GLP2R: variants seen among roughly 807,000 people sequenced by gnomAD.
GLP2R encodes the protein glucagon like peptide 2 receptor.
Under a neutral mutation model 68.2 loss-of-function variants are expected in GLP2R, and 59 were observed. That is an observed-to-expected ratio of 0.87 (90% CI 0.70 to 1.07). The LOEUF (loss-of-function observed/expected upper bound fraction) is 1.07. Among genes scored for constraint, GLP2R ranks in the 50% least tolerant of loss-of-function variants. GLP2R has a pLI of 0.00. For synonymous variants in GLP2R, 270 were observed against 265.4 expected (o/e 1.02, Z -0.17); for missense variants, 548 against 677.4 (o/e 0.81, Z 2.12).
chr17:9,841,360 A>G (rs954457335), intron 3 of GLP2R, among the ~76,000 whole-genome samples: 4 of 151,634 alleles, frequency 2.6e-5, no homozygotes, highest in Non-Finnish European at 5.9e-5. Context: ...GCTTGCTCTG[A>G]CTGCTGGGTT....
intron 4 of GLP2R, chr17:9,852,991 T>C: frequency 2.1e-6 from 1 of 476,966 alleles, no homozygotes; most frequent in Non-Finnish European, 3.9e-6. Context: ...GCATCTGCTC[T>C]GAACCACACT....
intron 4 of GLP2R, among the ~76,000 whole-genome samples, chr17:9,849,838 C>T (rs1347538658): frequency 2.0e-5 from 3 of 152,112 alleles, no homozygotes; most frequent in East Asian, 1.9e-4. Flanking sequence ...TGGTCTTGAT[C>T]TCCTGACCTC....
rs1190008566 is a variant in GLP2R, at chr17:9,890,760, G to A, written c.*1055G>A. 2 of 152,244 alleles carry A rather than the reference G, an allele frequency of 1.3e-5. No individual in the cohort carries two copies. The highest frequency in any genetic ancestry group is 1.3e-4 in the Admixed American group (2 of 15,286). 9.4% of individuals were successfully genotyped at this position (152,244 alleles called of 1,614,324 possible). A position where few individuals can be genotyped will look rare whatever the true frequency, so the allele number is the denominator to read the frequency against. ...CAGTGGGAATAAATACTGAAAGCAG[G>A]AGGGCCCAGGTAAAGCAATAGGAGT... On this transcript the variant is annotated 3_prime_UTR_variant, in exon 13 of 13. Transcript: ENST00000262441.
In GLP2R at chr17:9,890,056, T is replaced by G; in HGVS notation, c.*351T>G. ...AGCCAATATCTCTTCCTTTATCCCT[T>G]GGGGTGCATGCTTTCCATCTGAGGT... is the stretch of plus-strand genomic sequence containing the variant. On this transcript the variant is annotated 3_prime_UTR_variant, in exon 13 of 13. Transcript: ENST00000262441. 2.1e-6 allele frequency: 1 copy of G among 465,282 alleles called. No homozygotes were observed. The highest frequency in any genetic ancestry group is 4.3e-6 in the Non-Finnish European group (1 of 232,996). The allele number at this position is 465,282 out of a possible 1,614,324, so 28.8% of individuals were successfully genotyped here.
intron 1 of GLP2R, among the ~76,000 whole-genome samples, chr17:9,826,641 G>A (rs1283889849): frequency 2.0e-5 from 3 of 152,102 alleles, no homozygotes; most frequent in Non-Finnish European, 4.4e-5. Flanking sequence ...TATTTAGGTT[G>A]AGCAAATCCA....
At chr17:9,871,228 C>T (rs895212724) in intron 10 of GLP2R, among the ~76,000 whole-genome samples, 3 of 151,536 alleles carry the variant, frequency 2.0e-5, no homozygotes, top group Admixed American at 6.6e-5. Context: ...GTTAGCCAGG[C>T]GTGGTGCATG....
In GLP2R at chr17:9,833,673, G is replaced by A; in HGVS notation, c.190-134G>A. 11 of 617,566 alleles carry A rather than the reference G, an allele frequency of 1.8e-5. No homozygotes were observed. The South Asian group carries it at 2.2e-4, about 12-fold the overall frequency. 38.3% of individuals were successfully genotyped at this position (617,566 alleles called of 1,614,324 possible). A position where few individuals can be genotyped will look rare whatever the true frequency, so the allele number is the denominator to read the frequency against. ...CTCTTAAGATAGAACATAAGATGCT[G>A]AAGAAATGCCATTTCTTTGCTGTGG... On this transcript the variant is annotated intron_variant, in intron 1 of 12. Coordinates refer to ENST00000262441, the MANE Select transcript of GLP2R (RefSeq NM_004246.3).
rs2066972758 is a variant in GLP2R at position 9,859,998 on chromosome 17, T to A, written c.822T>A (p.Asn274Lys). 1.2e-6 allele frequency: 2 copies of A among 1,613,402 alleles called. No homozygotes were observed. The highest frequency in any genetic ancestry group is 2.7e-5 in the African/African-American group (2 of 74,964). ...QVLLHYFVGA[N>K]YLWLLVEGLY... is the part of the protein sequence containing the mutation. ...TCTTGCATTACTTTGTGGGTGCCAA[T>A]TACTTATGGCTGCTGGTTGAAGGCC... is the stretch of plus-strand genomic sequence containing the variant. The change falls in exon 7 of 13, where the codon AAT becomes AAA. Residue 274 changes from asparagine (N) to lysine (K), a missense_variant. Transcript: ENST00000262441.
chr17:9,845,748 C>CAT (rs1555570275), intron 4 of GLP2R, among the ~76,000 whole-genome samples: 1 of 148,352 alleles, frequency 6.7e-6, no homozygotes, highest in African/African-American at 2.5e-5. Context: ...TGTGTGTGTG[C>CAT]GTGTGTGTGT....
intron 10 of GLP2R, among the ~76,000 whole-genome samples, chr17:9,879,253 C>G (rs1404182450): frequency 3.7e-5 from 3 of 82,184 alleles, no homozygotes; most frequent in East Asian, 1.0e-3. Flanking sequence ...GATCCCCTCT[C>G]TATAAAATAA....
At chr17:9,842,722 C>A in intron 4 of GLP2R, 106 bp downstream of exon 4, 2 of 1,218,506 alleles carry the variant, frequency 1.6e-6, no homozygotes, top group East Asian at 2.4e-5. Flanking sequence ...GAGGCTTCTC[C>A]AGCGCCTCTC....
chr17:9,834,034 T>A (rs915731724), intron 2 of GLP2R, 140 bp downstream of exon 2: 2 of 710,552 alleles, frequency 2.8e-6, no homozygotes, highest in Non-Finnish European at 5.1e-6. Flanking sequence ...GGGGATGGCT[T>A]GTTTCCGCTC....
chr17:9,837,722 C>G (rs1323036750), intron 3 of GLP2R, among the ~76,000 whole-genome samples: 1 of 145,004 alleles, frequency 6.9e-6, no homozygotes, highest in African/African-American at 2.8e-5. Context: ...TTATTTTATT[C>G]TGAAAGAGGA....
chr17:9,841,819 C>T (rs549367966), intron 3 of GLP2R, among the ~76,000 whole-genome samples: 15 of 152,212 alleles, frequency 9.9e-5, no homozygotes, highest in Admixed American at 7.2e-4. Context: ...CAACAGATTT[C>T]GACTTCTCGT....
chr17:9,860,730 T>C (rs1257443221), intron 7 of GLP2R, among the ~76,000 whole-genome samples: 1 of 152,106 alleles, frequency 6.6e-6, no homozygotes, highest in South Asian at 2.1e-4. Flanking sequence ...TAGTCCATAA[T>C]ACCAGGTCTT....
At chr17:9,829,819 C>T (rs1431612577) in intron 1 of GLP2R, among the ~76,000 whole-genome samples, 3 of 152,138 alleles carry the variant, frequency 2.0e-5, no homozygotes, top group Non-Finnish European at 4.4e-5. Flanking sequence ...TTTTGCATAG[C>T]TGTGATTTCT....
chr17:9,849,353 A>G (rs995952962), intron 4 of GLP2R, among the ~76,000 whole-genome samples: 8 of 152,000 alleles, frequency 5.3e-5, no homozygotes, highest in Non-Finnish European at 7.4e-5. Flanking sequence ...TCCTAAGATT[A>G]AGGACATCAT....
At chr17:9,865,949 T>A in intron 9 of GLP2R, 2 of 470,786 alleles carry the variant, frequency 4.2e-6, no homozygotes, top group South Asian at 3.1e-5. Flanking sequence ...GAGAAAGGCA[T>A]TAGATCTTCA....
In GLP2R at chr17:9,842,617, G is replaced by C; in HGVS notation, c.504+1G>C. The C allele has an allele frequency of 6.2e-7, 1 of 1,613,408 alleles. No individual in the cohort carries two copies. The highest frequency in any genetic ancestry group is 8.5e-7 in the Non-Finnish European group (1 of 1,179,958). On this transcript the variant is annotated splice_donor_variant, in intron 4 of 12. Coordinates refer to ENST00000262441, the MANE Select transcript of GLP2R (RefSeq NM_004246.3). LOFTEE classifies it high-confidence loss of function. ...CGAGAACCACAGCTTCAAGCAAAAC[G>C]TGAGTTTGCTCAGCTCAGTGAGGAG...
Sources: gnomAD v4.1 joint callset for allele counts (sites outside exome capture counted in the v4.1 genomes callset) on GRCh38, gnomAD v4.1.1 for gene constraint, MANE v1.5 for transcripts, NCBI Gene and HGNC (gene_info 2026-07-23, HGNC 2026-07-21) for gene names.